The following SGCZ variants were observed in gnomAD, a reference collection of about 807,000 sequenced individuals.
The protein encoded by SGCZ is zeta-sarcoglycan.
Under a neutral mutation model 41.3 loss-of-function variants are expected in SGCZ, and 40 were observed. The ratio of observed to expected loss-of-function variants is 0.97; its 90% CI spans 0.75 to 1.26. The LOEUF (loss-of-function observed/expected upper bound fraction) is 1.26. Among genes scored for constraint, SGCZ ranks in the 50% most tolerant of loss-of-function variants. SGCZ has a pLI of 0.00. For synonymous variants in SGCZ, 206 were observed against 137.5 expected (o/e 1.50, Z -3.49); for missense variants, 552 against 369.8 (o/e 1.49, Z -4.04).
At chr8:14,972,247 G>T (rs547137145) in intron 1 of SGCZ, among the ~76,000 whole-genome samples, 1 of 150,782 alleles carries the variant, frequency 6.6e-6, no homozygotes, top group Admixed American at 6.6e-5. Flanking sequence ...TCCTTTTCCT[G>T]TCTGTAATAC....
chr8:14,869,722 A>G (rs544985790), intron 1 of SGCZ, among the ~76,000 whole-genome samples: 25 of 152,320 alleles, frequency 1.6e-4, no homozygotes, highest in African/African-American at 4.8e-4. Context: ...CTTTAAGGTG[A>G]TAAGCAACTT....
intron 1 of SGCZ, among the ~76,000 whole-genome samples, chr8:14,916,794 C>T (rs1799450886): frequency 6.6e-6 from 1 of 151,972 alleles, no homozygotes; most frequent in South Asian, 2.1e-4. Flanking sequence ...TCTACACTTA[C>T]GAGTATGTAA....
chr8:14,119,617 G>A (rs556030698), intron 5 of SGCZ, among the ~76,000 whole-genome samples: 2 of 152,252 alleles, frequency 1.3e-5, no homozygotes, highest in South Asian at 2.1e-4. Flanking sequence ...TGGTGAGAGA[G>A]GTTAACTTTG....
At chr8:14,199,517 C>T (rs1219699898) in intron 4 of SGCZ, among the ~76,000 whole-genome samples, 1 of 152,074 alleles carries the variant, frequency 6.6e-6, no homozygotes, top group African/African-American at 2.4e-5. Flanking sequence ...ATCTCTGTGA[C>T]CCACACCCTA....
chr8:14,188,466 G>A (rs905685877), intron 4 of SGCZ, among the ~76,000 whole-genome samples: 1 of 152,078 alleles, frequency 6.6e-6, no homozygotes, highest in South Asian at 2.1e-4. Context: ...ATTTTATATG[G>A]TTATATTTAT....
At chr8:15,096,080 T>C (rs1806334334) in intron 1 of SGCZ, among the ~76,000 whole-genome samples, 1 of 152,100 alleles carries the variant, frequency 6.6e-6, no homozygotes. Flanking sequence ...TTTTTACTTA[T>C]TTATTTATTT....
chr8:14,760,590 T>C (rs1054013593), intron 1 of SGCZ, among the ~76,000 whole-genome samples: 1 of 152,222 alleles, frequency 6.6e-6, no homozygotes, highest in Non-Finnish European at 1.5e-5. Flanking sequence ...AGTGTACAAC[T>C]GGCAACTTAT....
At chr8:14,809,734 C>T (rs537668905) in intron 1 of SGCZ, among the ~76,000 whole-genome samples, 23 of 152,120 alleles carry the variant, frequency 1.5e-4, no homozygotes, top group South Asian at 1.0e-3. Flanking sequence ...ACCGCAGTAC[C>T]CATGAGGGAG....
chr8:14,997,919 C>T (rs1339726738), intron 1 of SGCZ, among the ~76,000 whole-genome samples: 1 of 151,984 alleles, frequency 6.6e-6, no homozygotes, highest in East Asian at 1.9e-4. Context: ...GAGATGGTGC[C>T]ACTGCACTCC....
chr8:14,361,659 G>C (rs1255352173), intron 2 of SGCZ, among the ~76,000 whole-genome samples: 1 of 152,108 alleles, frequency 6.6e-6, no homozygotes, highest in Admixed American at 6.6e-5. Context: ...TGTTATTACC[G>C]ACCTTCGGAA....
intron 1 of SGCZ, among the ~76,000 whole-genome samples, chr8:14,638,283 C>A (rs1025970631): frequency 6.6e-6 from 1 of 151,832 alleles, no homozygotes; most frequent in Non-Finnish European, 1.5e-5. Flanking sequence ...TCAGTCATTA[C>A]AACTGCAGAG....
At chr8:15,022,057 C>T (rs1728595266) in intron 1 of SGCZ, among the ~76,000 whole-genome samples, 1 of 152,202 alleles carries the variant, frequency 6.6e-6, no homozygotes. Flanking sequence ...CCTTCTGGTA[C>T]TGCACATGCA....
chr8:14,257,479 C>T (rs1428570921), intron 3 of SGCZ, among the ~76,000 whole-genome samples: 1 of 129,578 alleles, frequency 7.7e-6, no homozygotes, highest in Non-Finnish European at 1.8e-5. Context: ...TACATTTTAA[C>T]GTATGACAAT....
intron 1 of SGCZ, among the ~76,000 whole-genome samples, chr8:14,932,772 T>C (rs956145967): frequency 6.6e-6 from 1 of 152,050 alleles, no homozygotes; most frequent in Admixed American, 6.5e-5. Context: ...AAACAACTAA[T>C]ATTTCTTGGT....
chr8:14,253,317 A>T (rs1178945342), intron 3 of SGCZ, among the ~76,000 whole-genome samples: 1 of 151,014 alleles, frequency 6.6e-6, no homozygotes, highest in Non-Finnish European at 1.5e-5. Flanking sequence ...TTTGTTTATG[A>T]ATTGCCAGAT....
chr8:14,435,225 T>C (rs1800055700), intron 2 of SGCZ, among the ~76,000 whole-genome samples: 1 of 152,210 alleles, frequency 6.6e-6, no homozygotes, highest in Admixed American at 6.5e-5. Flanking sequence ...ATCTTGCATA[T>C]TGCCATTATA....
chr8:14,821,276 T>C (rs938824480), intron 1 of SGCZ, among the ~76,000 whole-genome samples: 1 of 151,790 alleles, frequency 6.6e-6, no homozygotes, highest in Admixed American at 6.6e-5. Context: ...TATGAGGAAA[T>C]AGAAAAACTG....
chr8:14,592,125 T>G (rs1805260780), intron 1 of SGCZ, among the ~76,000 whole-genome samples: 1 of 152,192 alleles, frequency 6.6e-6, no homozygotes, highest in Non-Finnish European at 1.5e-5. Context: ...ACTTGTCTGT[T>G]TTGCTAAGTT....
At chr8:14,208,882 C>G (rs1805704409) in intron 4 of SGCZ, among the ~76,000 whole-genome samples, 1 of 152,070 alleles carries the variant, frequency 6.6e-6, no homozygotes, top group Non-Finnish European at 1.5e-5. Context: ...GGAGAGTACT[C>G]AGTAAGGTTT....
Sources: allele counts gnomAD v4.1 joint callset (sites outside exome capture counted in the v4.1 genomes callset), GRCh38; gene constraint gnomAD v4.1.1; transcripts MANE v1.5; gene names NCBI Gene and HGNC (gene_info 2026-07-23, HGNC 2026-07-21).